The following NAALADL2 variants were observed in gnomAD, a reference collection of about 807,000 sequenced individuals.
The protein encoded by NAALADL2 is N-acetylated alpha-linked acidic dipeptidase like 2.
Under a neutral mutation model 87.2 loss-of-function variants are expected in NAALADL2, and 76 were observed. That is an observed-to-expected ratio of 0.87 (90% CI 0.72 to 1.05). The LOEUF (loss-of-function observed/expected upper bound fraction) is 1.05. Among genes scored for constraint, NAALADL2 ranks in the 50% least tolerant of loss-of-function variants. The probability of loss-of-function intolerance (pLI) is 0.00; values close to 1 mark genes in which losing one functional copy is unlikely to be tolerated. For missense variants in NAALADL2, 1,089 were observed against 945.8 expected, an observed-to-expected ratio of 1.15 and a Z score of -1.99; for synonymous variants, 354 against 331.0, an observed-to-expected ratio of 1.07 and a Z score of -0.75.
At chr3:175,027,610 T>C (rs1201773545) in intron 1 of NAALADL2, among the ~76,000 whole-genome samples, 1 of 152,140 alleles carries the variant, frequency 6.6e-6, no homozygotes, top group Non-Finnish European at 1.5e-5. Flanking sequence ...CTTCCCCGAA[T>C]TCTTTTATTT....
intron 11 of NAALADL2, among the ~76,000 whole-genome samples, chr3:175,730,373 T>A (rs1180211879): frequency 1.6e-5 from 2 of 128,728 alleles, no homozygotes; most frequent in Non-Finnish European, 1.6e-5. Flanking sequence ...TGCAAAAGAG[T>A]ATTTTCAGAA....
At chr3:174,597,053 C>T (rs912509166) in intron 2 of NAALADL2, among the ~76,000 whole-genome samples, 1 of 152,190 alleles carries the variant, frequency 6.6e-6, no homozygotes, top group South Asian at 2.1e-4. Context: ...CAGTGTTTCT[C>T]TAGCAGGATT....
At chr3:174,671,716 C>A (rs571910784) in intron 2 of NAALADL2, among the ~76,000 whole-genome samples, 2 of 152,174 alleles carry the variant, frequency 1.3e-5, no homozygotes, top group African/African-American at 2.4e-5. Context: ...TTACACTTGT[C>A]AGAGGTTCCT....
At chr3:174,698,761 G>A (rs2108875000) in intron 2 of NAALADL2, among the ~76,000 whole-genome samples, 1 of 133,624 alleles carries the variant, frequency 7.5e-6, no homozygotes, top group South Asian at 2.6e-4. Context: ...CTACTTGGGA[G>A]GCTGAGGCAG....
intron 1 of NAALADL2, among the ~76,000 whole-genome samples, chr3:174,490,793 A>G (rs1403656157): frequency 6.6e-6 from 1 of 151,926 alleles, no homozygotes; most frequent in Non-Finnish European, 1.5e-5. Context: ...TATTGGGTGA[A>G]GGAGAAGTTG....
At chr3:175,272,680 T>C (rs963315620) in intron 4 of NAALADL2, among the ~76,000 whole-genome samples, 2 of 152,146 alleles carry the variant, frequency 1.3e-5, no homozygotes, top group Non-Finnish European at 2.9e-5. Flanking sequence ...TAAATTATTA[T>C]TTTTTAATGT....
intron 2 of NAALADL2, among the ~76,000 whole-genome samples, chr3:174,556,152 T>C (rs561219342): frequency 3.9e-5 from 6 of 152,282 alleles, no homozygotes; most frequent in Admixed American, 3.3e-4. Context: ...TCAGTTTAGA[T>C]GTCAGGAAAA....
chr3:175,223,242 C>T (rs1412530441), intron 2 of NAALADL2, among the ~76,000 whole-genome samples: 7 of 151,760 alleles, frequency 4.6e-5, no homozygotes, highest in African/African-American at 1.2e-4. Flanking sequence ...TATTACTGAA[C>T]GTTTGTACCT....
intron 1 of NAALADL2, among the ~76,000 whole-genome samples, chr3:174,535,018 A>G (rs957593577): frequency 6.6e-6 from 1 of 152,184 alleles, no homozygotes; most frequent in Admixed American, 6.5e-5. Flanking sequence ...TTTAATATGT[A>G]AGTTTGAGAG....
At chr3:175,204,053 C>G (rs1282264305) in intron 2 of NAALADL2, among the ~76,000 whole-genome samples, 1 of 152,124 alleles carries the variant, frequency 6.6e-6, no homozygotes, top group Non-Finnish European at 1.5e-5. Context: ...TGACACTATT[C>G]CACAAGATAG....
At chr3:175,682,833 C>T (rs1216904235) in intron 11 of NAALADL2, among the ~76,000 whole-genome samples, 5 of 151,920 alleles carry the variant, frequency 3.3e-5, no homozygotes, top group Non-Finnish European at 7.4e-5. Flanking sequence ...ATCATTAAAA[C>T]TTCAGGAAAC....
At chr3:174,650,780 A>T (rs1358788025) in intron 2 of NAALADL2, among the ~76,000 whole-genome samples, 3 of 152,156 alleles carry the variant, frequency 2.0e-5, no homozygotes, top group Non-Finnish European at 2.9e-5. Flanking sequence ...ACAAATTAGG[A>T]TGTAGAATAT....
upstream of NAALADL2, chr3:174,859,143 G>A (rs1726168246): frequency 2.6e-6 from 1 of 379,652 alleles, no homozygotes; most frequent in African/African-American, 2.1e-5. Context: ...AGAATTAAAA[G>A]TTTATATCAA....
intron 1 of NAALADL2, among the ~76,000 whole-genome samples, chr3:174,959,529 A>G (rs528602912): frequency 1.4e-4 from 21 of 152,118 alleles, no homozygotes; most frequent in African/African-American, 5.1e-4. Context: ...ACATAGGGGA[A>G]TCAGTGAGGT....
intron 1 of NAALADL2, among the ~76,000 whole-genome samples, chr3:175,088,732 A>G (rs922982490): frequency 1.3e-5 from 2 of 152,206 alleles, no homozygotes; most frequent in Admixed American, 1.3e-4. Context: ...ATAGTCAAAA[A>G]GCAAAATTCA....
intron 3 of NAALADL2, among the ~76,000 whole-genome samples, chr3:174,757,929 A>T (rs1712350122): frequency 6.6e-6 from 1 of 152,264 alleles, no homozygotes; most frequent in South Asian, 2.1e-4. Flanking sequence ...ATGGCTTCTT[A>T]GAAAAGTACA....
intron 1 of NAALADL2, among the ~76,000 whole-genome samples, chr3:175,017,030 G>A (rs1231377132): frequency 2.0e-5 from 3 of 149,616 alleles, no homozygotes; most frequent in South Asian, 2.1e-4. Flanking sequence ...ATCTACCTGC[G>A]TTTTTGTACC....
At chr3:175,199,183 C>A (rs1179850622) in intron 2 of NAALADL2, among the ~76,000 whole-genome samples, 1 of 152,072 alleles carries the variant, frequency 6.6e-6, no homozygotes, top group African/African-American at 2.4e-5. Flanking sequence ...TTCTCCAAGG[C>A]CTCTTTTGAA....
intron 11 of NAALADL2, among the ~76,000 whole-genome samples, chr3:175,673,114 T>C (rs1582849759): frequency 6.6e-6 from 1 of 152,334 alleles, no homozygotes; most frequent in East Asian, 1.9e-4. Flanking sequence ...TTTTATTGTC[T>C]GCTCTATCTC....
Sources: gnomAD v4.1 joint callset for allele counts (sites outside exome capture counted in the v4.1 genomes callset) on GRCh38, gnomAD v4.1.1 for gene constraint, MANE v1.5 for transcripts, NCBI Gene and HGNC (gene_info 2026-07-23, HGNC 2026-07-21) for gene names.